Variants in WWTR1 observed in about 807,000 individuals in gnomAD.
The protein encoded by WWTR1 is WW domain containing transcription regulator 1.
Under a neutral mutation model 40.1 loss-of-function variants are expected in WWTR1, and 13 were observed. The ratio of observed to expected loss-of-function variants is 0.32; its 90% confidence interval spans 0.21 to 0.52. The LOEUF (loss-of-function observed/expected upper bound fraction) is 0.52. Ranked by LOEUF, WWTR1 falls within the 20% of genes least tolerant of loss-of-function variation. The pLI is 0.97. For synonymous variants in WWTR1, 230 were observed against 210.1 expected, an observed-to-expected ratio of 1.09 and a Z score of -0.82; for missense variants, 436 against 523.1, an observed-to-expected ratio of 0.83 and a Z score of 1.63.
intron 4 of WWTR1, among the ~76,000 whole-genome samples, chr3:149,721,290 T>A (rs899893762): frequency 2.0e-5 from 3 of 152,226 alleles, no homozygotes; most frequent in African/African-American, 7.2e-5. Flanking sequence ...ATTCAGAGTT[T>A]ACTGAGCATT....
intron 1 of WWTR1, chr3:149,670,944 G>C (rs529267306): frequency 6.6e-6 from 1 of 152,258 alleles, no homozygotes; most frequent in East Asian, 1.9e-4. Context: ...TTTGTGGCTG[G>C]TTATGTAAAT....
At chr3:149,541,955 C>G (rs1219086740) in intron 4 of WWTR1, among the ~76,000 whole-genome samples, 1 of 152,104 alleles carries the variant, frequency 6.6e-6, no homozygotes, top group African/African-American at 2.4e-5. Flanking sequence ...CAGGTGAGCC[C>G]CTTCTAAATT....
intron 2 of WWTR1, among the ~76,000 whole-genome samples, chr3:149,600,600 C>A (rs552040103): frequency 6.6e-6 from 1 of 152,312 alleles, no homozygotes; most frequent in East Asian, 1.9e-4. Flanking sequence ...TTCCTTTATA[C>A]ATTAGTGGAA....
At chr3:149,604,973 G>C (rs979633100) in intron 2 of WWTR1, among the ~76,000 whole-genome samples, 7 of 152,230 alleles carry the variant, frequency 4.6e-5, no homozygotes, top group Admixed American at 4.6e-4. Context: ...TCAGGGTAGT[G>C]AGATTCATGG....
intron 2 of WWTR1, among the ~76,000 whole-genome samples, chr3:149,669,120 G>T (rs865872063): frequency 1.3e-5 from 2 of 152,192 alleles, no homozygotes; most frequent in Middle Eastern, 3.4e-3. Flanking sequence ...ACTGCCAGGG[G>T]TTTTGTTTTT....
intron 5 of WWTR1, among the ~76,000 whole-genome samples, chr3:149,708,387 T>C (rs1227285132): frequency 6.6e-6 from 1 of 152,186 alleles, no homozygotes; most frequent in African/African-American, 2.4e-5. Flanking sequence ...ACTAAGTACA[T>C]TCACGTTGTA....
intron 2 of WWTR1, chr3:149,576,141 C>A: frequency 2.2e-6 from 1 of 456,222 alleles, no homozygotes; most frequent in South Asian, 1.5e-5. Flanking sequence ...GCTCTGCAGA[C>A]CAGTCGACCT....
chr3:149,580,859 G>A (rs934223700), intron 2 of WWTR1, among the ~76,000 whole-genome samples: 3 of 152,022 alleles, frequency 2.0e-5, no homozygotes, highest in African/African-American at 7.2e-5. Flanking sequence ...CCATCCACCC[G>A]CCTCAGGCTC....
chr3:149,576,141 C>G (rs978317234), intron 2 of WWTR1: 5 of 456,104 alleles, frequency 1.1e-5, no homozygotes, highest in South Asian at 3.1e-5. Flanking sequence ...GCTCTGCAGA[C>G]CAGTCGACCT....
chr3:149,655,211 G>A (rs1202813521), intron 2 of WWTR1, among the ~76,000 whole-genome samples: 13 of 152,004 alleles, frequency 8.6e-5, no homozygotes, highest in African/African-American at 2.9e-4. Context: ...TTAGGAGGCC[G>A]AGGCAGGCAG....
upstream of WWTR1, among the ~76,000 whole-genome samples, chr3:149,707,298 C>T (rs989384902): frequency 9.2e-5 from 14 of 152,156 alleles, no homozygotes; most frequent in African/African-American, 1.9e-4. Context: ...ACTTCACCAC[C>T]GCTCCCCATG....
chr3:149,617,245 G>A (rs893088214), intron 2 of WWTR1, among the ~76,000 whole-genome samples: 2 of 152,122 alleles, frequency 1.3e-5, no homozygotes, highest in African/African-American at 2.4e-5. Context: ...AAGGAAAAAC[G>A]AACTTTCATC....
Position 149,640,010 on chromosome 3 carries a change from AAAAG to A in WWTR1, c.431+16862_431+16865del, listed in dbSNP as rs1179547242. ...CTCCGTCTCAAAAAAAAAAAAAAAA[AAAAG>A]AAAGAAAGAAAGAAAGAAAGAAAGA... On this transcript the variant is annotated intron_variant, in intron 2 of 6. Transcript: ENST00000360632. Among the ~76,000 whole-genome samples, 636 of 140,352 alleles carry A rather than the reference AAAAG, an allele frequency of 4.5e-3. 3 individuals carry two copies. Among genetic ancestry groups the A allele is most frequent in the East Asian group, 7.3e-3 (37 of 5,042 alleles). The allele number at this position is 140,352 out of a possible 152,430, so 92.1% of individuals were successfully genotyped here.
upstream of WWTR1, chr3:149,661,246 C>G (rs1388448609): frequency 6.6e-6 from 1 of 152,468 alleles, no homozygotes; most frequent in African/African-American, 2.4e-5. Context: ...GCCAACCCCA[C>G]CGGCTGACTG....
intron 2 of WWTR1, among the ~76,000 whole-genome samples, chr3:149,648,075 T>C (rs960183139): frequency 6.6e-5 from 10 of 152,212 alleles, no homozygotes; most frequent in African/African-American, 2.2e-4. Flanking sequence ...CACCTACCTA[T>C]ATCTTTGCCA....
chr3:149,587,081 G>A (rs1738464321), intron 2 of WWTR1, among the ~76,000 whole-genome samples: 2 of 152,280 alleles, frequency 1.3e-5, no homozygotes, highest in South Asian at 4.2e-4. Context: ...ATCCAAGGAG[G>A]GAGTTAGTCA....
rs185522318 is a variant in WWTR1 at position 149,609,300 on chromosome 3, C to T, written c.432-36300G>A. ...TAGCTAATCATAATCGGATTACCTA[C>T]TAAAAGGTACAGAATGTGTAATGTG... On this transcript the variant is annotated intron_variant, in intron 2 of 6. Coordinates refer to ENST00000360632, the MANE Select transcript of WWTR1 (RefSeq NM_015472.6). Among the ~76,000 whole-genome samples the T allele has an allele frequency of 3.6e-3, 553 of 152,230 alleles. 3 individuals are homozygous for T. Among genetic ancestry groups the T allele is most frequent in the African/African-American group, 0.013 (538 of 41,544 alleles).
intron 2 of WWTR1, among the ~76,000 whole-genome samples, chr3:149,626,851 C>G (rs578208342): frequency 2.5e-4 from 38 of 152,268 alleles, no homozygotes; most frequent in African/African-American, 8.9e-4. Flanking sequence ...ACACCTACTC[C>G]GTCCTGAGGC....
At chr3:149,572,819 A>G (rs769716990) in intron 3 of WWTR1, 45 bp downstream of exon 3, 3 of 1,024,142 alleles carry the variant, frequency 2.9e-6, no homozygotes, top group Non-Finnish European at 2.7e-6. Flanking sequence ...CCAACTCTAC[A>G]AAAAAAAAAT....
Sources: allele counts gnomAD v4.1 joint callset (sites outside exome capture counted in the v4.1 genomes callset), GRCh38; gene constraint gnomAD v4.1.1; transcripts MANE v1.5; gene names NCBI Gene and HGNC (gene_info 2026-07-23, HGNC 2026-07-21).